The following EHBP1 variants were observed in gnomAD, a reference collection of about 807,000 sequenced individuals.
EHBP1 encodes the protein EH domain-binding protein 1.
In EHBP1, 55 loss-of-function variants were observed where a neutral mutation model predicts 144.0. The observed-to-expected ratio is 0.38, with a 90% CI of 0.31 to 0.48. EHBP1 has a LOEUF of 0.48. Among genes scored for constraint, EHBP1 ranks in the 20% least tolerant of loss-of-function variants. The pLI is 0.98. For missense variants in EHBP1, 1,200 were observed against 1,364.2 expected, an observed-to-expected ratio of 0.88 and a Z score of 1.90; for synonymous variants, 469 against 472.7, an observed-to-expected ratio of 0.99 and a Z score of 0.10.
rs115026877 is a variant in EHBP1 at position 62,817,203 on chromosome 2, A to G, written c.313-8884A>G. Among the ~76,000 whole-genome samples the G allele has an allele frequency of 5.0e-3, 756 of 152,250 alleles. 2 individuals are homozygous for G. The highest frequency in any genetic ancestry group is 8.7e-3 in the Non-Finnish European group (593 of 68,008). On this transcript the variant is annotated intron_variant, in intron 5 of 22. Transcript: ENST00000431489. ...ACAGTATTTGCATATTTGCTCATGT[A>G]AGTTAAGGAGAAAAAGTAAAGGGGA...
intron 5 of EHBP1, among the ~76,000 whole-genome samples, chr2:62,810,286 C>T (rs2044878049): frequency 6.6e-6 from 1 of 152,130 alleles, no homozygotes; most frequent in Admixed American, 6.5e-5. Flanking sequence ...TACAGAATCA[C>T]GGAAGATGAA....
intron 2 of EHBP1, among the ~76,000 whole-genome samples, chr2:62,732,887 A>G (rs1172969003): frequency 6.6e-6 from 1 of 152,102 alleles, no homozygotes; most frequent in East Asian, 1.9e-4. Context: ...CATTTTCTCA[A>G]GTTAACTTAT....
chr2:62,836,229 C>T (rs2047239425), intron 7 of EHBP1, among the ~76,000 whole-genome samples: 1 of 152,124 alleles, frequency 6.6e-6, no homozygotes, highest in Non-Finnish European at 1.5e-5. Context: ...CCAGCAGGGG[C>T]ACACTGACAC....
intron 14 of EHBP1, among the ~76,000 whole-genome samples, chr2:62,971,800 T>C (rs2058509376): frequency 6.6e-6 from 1 of 152,156 alleles, no homozygotes; most frequent in Non-Finnish European, 1.5e-5. Context: ...TGTAAAAAGA[T>C]AGTCATAGGG....
intron 5 of EHBP1, among the ~76,000 whole-genome samples, chr2:62,793,205 G>A (rs116754756): frequency 8.5e-4 from 129 of 152,116 alleles, no homozygotes; most frequent in African/African-American, 3.1e-3. Context: ...TCATATGAGT[G>A]CTTTTAGAAC....
chr2:62,838,109 A>T (rs1341884602), intron 7 of EHBP1, among the ~76,000 whole-genome samples: 1 of 151,716 alleles, frequency 6.6e-6, no homozygotes, highest in African/African-American at 2.4e-5. Context: ...TCCTCAGCAA[A>T]TGTAAAAGAA....
Position 62,865,905 on chromosome 2 carries a change from G to A in EHBP1, c.998+934G>A, listed in dbSNP as rs539584093. Among the ~76,000 whole-genome samples, 6 of 152,286 alleles carry A rather than the reference G, an allele frequency of 3.9e-5. No homozygotes were observed. In the South Asian group the frequency reaches 8.3e-4, roughly 21 times the overall value. On this transcript the variant is annotated intron_variant, in intron 9 of 22. Transcript: ENST00000431489. ...AGAATTTGTAGAAGAGAAGAGGTAC[G>A]GAATTTATACCTGTATGAGGAGCAC...
chr2:62,993,451 A>G, intron 16 of EHBP1, 79 bp from the exon 17 acceptor site: 1 of 1,264,074 alleles, frequency 7.9e-7, no homozygotes, highest in Non-Finnish European at 1.0e-6. Flanking sequence ...ATCTTAAATC[A>G]GTAAAAATTG....
intron 5 of EHBP1, among the ~76,000 whole-genome samples, chr2:62,784,640 G>A (rs1197100274): frequency 6.6e-6 from 1 of 152,200 alleles, no homozygotes; most frequent in African/African-American, 2.4e-5. Flanking sequence ...AGATAATTGT[G>A]TGAAGAGAAT....
At chr2:62,876,906 A>G (rs987335598) in intron 10 of EHBP1, among the ~76,000 whole-genome samples, 4 of 151,636 alleles carry the variant, frequency 2.6e-5, no homozygotes, top group Non-Finnish European at 4.4e-5. Context: ...GACAAACCAT[A>G]TCAACCATGG....
intron 1 of EHBP1, among the ~76,000 whole-genome samples, chr2:62,698,253 C>T (rs2034167398): frequency 6.6e-6 from 1 of 152,184 alleles, no homozygotes; most frequent in Non-Finnish European, 1.5e-5. Context: ...TAAATATGCT[C>T]TTTTTAGCAT....
intron 9 of EHBP1, among the ~76,000 whole-genome samples, chr2:62,872,409 A>G (rs75581681): frequency 6.6e-6 from 1 of 152,110 alleles, no homozygotes; most frequent in Non-Finnish European, 1.5e-5. Flanking sequence ...TAGATGATCA[A>G]CAGAATGTGA....
At chr2:62,832,422 T>C (rs1041295830) in intron 7 of EHBP1, among the ~76,000 whole-genome samples, 10 of 147,804 alleles carry the variant, frequency 6.8e-5, no homozygotes, top group African/African-American at 2.5e-4. Context: ...ACTTCACAGA[T>C]TTTTTTTTCT....
chr2:63,026,360 A>G (rs868034151), intron 19 of EHBP1, among the ~76,000 whole-genome samples: 2 of 150,184 alleles, frequency 1.3e-5, no homozygotes, highest in Non-Finnish European at 3.0e-5. Flanking sequence ...GTGTATAGAG[A>G]GTGAGAGAAA....
At chr2:62,699,152 A>G (rs553960232) in intron 1 of EHBP1, among the ~76,000 whole-genome samples, 1 of 152,332 alleles carries the variant, frequency 6.6e-6, no homozygotes, top group South Asian at 2.1e-4. Flanking sequence ...TAATTATATT[A>G]TCTTGCTCAT....
intron 19 of EHBP1, among the ~76,000 whole-genome samples, chr2:63,032,348 C>T (rs1179741360): frequency 6.6e-6 from 1 of 151,230 alleles, no homozygotes; most frequent in African/African-American, 2.4e-5. Context: ...GCGGGTGGAT[C>T]ATGAGGTCAG....
At chr2:62,977,352 T>C (rs1467539594) in intron 14 of EHBP1, among the ~76,000 whole-genome samples, 1 of 152,114 alleles carries the variant, frequency 6.6e-6, no homozygotes, top group East Asian at 1.9e-4. Context: ...TAGGTTATAT[T>C]TCCCCGTATA....
chr2:62,993,751 T>A, intron 17 of EHBP1, 83 bp downstream of exon 17: 1 of 746,138 alleles, frequency 1.3e-6, no homozygotes, highest in Non-Finnish European at 1.8e-6. Flanking sequence ...ATATAGTATA[T>A]ATATATAGCA....
chr2:63,030,406 T>TACAC (rs1441616294), intron 19 of EHBP1, among the ~76,000 whole-genome samples: 1 of 151,688 alleles, frequency 6.6e-6, no homozygotes, highest in Admixed American at 6.6e-5. Flanking sequence ...TATATATATA[T>TACAC]ATACACACAC....
Sources: allele counts gnomAD v4.1 joint callset (sites outside exome capture counted in the v4.1 genomes callset), GRCh38; gene constraint gnomAD v4.1.1; transcripts MANE v1.5; gene names NCBI Gene and HGNC (gene_info 2026-07-23, HGNC 2026-07-21).